ELFN1: variants seen among roughly 807,000 people sequenced by gnomAD.
ELFN1 encodes the protein extracellular leucine rich repeat and fibronectin type III domain containing 1, also known as protein ELFN1.
ELFN1 carries 6 observed loss-of-function variants against 7.6 expected under a neutral mutation model. That is an observed-to-expected ratio of 0.79 (90% CI 0.43 to 1.56). The LOEUF is 1.56. Among genes scored for constraint, ELFN1 ranks in the 40% most tolerant of loss-of-function variants. The probability of loss-of-function intolerance (pLI) is 0.01; values close to 1 mark genes in which losing one functional copy is unlikely to be tolerated. For missense variants in ELFN1, 1,169 were observed against 1,232.2 expected, an observed-to-expected ratio of 0.95 and a Z score of 0.77; for synonymous variants, 657 against 588.1, an observed-to-expected ratio of 1.12 and a Z score of -1.70.
intron 2 of ELFN1, among the ~76,000 whole-genome samples, chr7:1,689,764 T>G (rs1165177079): frequency 2.6e-5 from 4 of 152,190 alleles, no homozygotes; most frequent in African/African-American, 9.7e-5. Flanking sequence ...AGTGCTACAC[T>G]GAGATGAGTG....
At chr7:1,693,220 T>G (rs1433544806) in intron 2 of ELFN1, 3 of 404,006 alleles carry the variant, frequency 7.4e-6, no homozygotes, top group Non-Finnish European at 1.6e-5. Flanking sequence ...GAGATGTTCA[T>G]GGCCGCGTGG....
At position 1,715,583 on chromosome 7, in the gene ELFN1, A is replaced by G. The variant is rs1490161692; in HGVS notation, c.-294+6331A>G. On this transcript the variant is annotated intron_variant, in intron 3 of 3. Coordinates refer to ENST00000424383, the MANE Select transcript of ELFN1 (RefSeq NM_001128636.4). ...AGAAAGCCCCTTCCCCGCTGCAATC[A>G]GCCTCCTCCTGCAGGCAGGCCAGGC... Among the ~76,000 whole-genome samples the G allele has an allele frequency of 2.0e-5, 3 of 152,188 alleles. No individual in the cohort carries two copies. In the East Asian group the frequency reaches 5.8e-4, roughly 29 times the overall value.
At chr7:1,683,195 T>G (rs986143165) in intron 1 of ELFN1, among the ~76,000 whole-genome samples, 1 of 152,142 alleles carries the variant, frequency 6.6e-6, no homozygotes, top group Admixed American at 6.5e-5. Context: ...TTGAATGAGT[T>G]TGTGAAGTTT....
intron 1 of ELFN1, among the ~76,000 whole-genome samples, chr7:1,687,279 T>C (rs1273311515): frequency 6.6e-6 from 1 of 152,152 alleles, no homozygotes; most frequent in East Asian, 1.9e-4. Flanking sequence ...AGTAGCTTTA[T>C]AGTTGTTTTT....
chr7:1,714,292 C>T (rs1436491006), intron 3 of ELFN1, among the ~76,000 whole-genome samples: 1 of 152,082 alleles, frequency 6.6e-6, no homozygotes, highest in Non-Finnish European at 1.5e-5. Context: ...CAGGCTTAAC[C>T]ACCCCAGCCC....
At chr7:1,693,847 G>A (rs747840602) in intron 2 of ELFN1, 3 of 458,650 alleles carry the variant, frequency 6.5e-6, no homozygotes, top group Non-Finnish European at 1.4e-5. Flanking sequence ...CGGGGTTCCT[G>A]GGCAGAGGCT....
intron 2 of ELFN1, among the ~76,000 whole-genome samples, chr7:1,703,907 G>A (rs572520028): frequency 4.3e-4 from 66 of 152,322 alleles, no homozygotes; most frequent in African/African-American, 1.6e-3. Context: ...GGCTGTCGCC[G>A]GACTGTGTGC....
intron 3 of ELFN1, among the ~76,000 whole-genome samples, chr7:1,710,138 G>C (rs1437258085): frequency 6.6e-6 from 1 of 152,220 alleles, no homozygotes; most frequent in Non-Finnish European, 1.5e-5. Context: ...TCAATAAATA[G>C]CTTGTCTTCC....
chr7:1,744,671 C>T lies in ELFN1; in HGVS notation c.75C>T (p.Ala25=). The T allele has an allele frequency of 1.9e-6, 3 of 1,551,104 alleles. No individual in the cohort carries two copies. Among genetic ancestry groups the T allele is most frequent in the East Asian group, 2.4e-5 (1 of 40,892 alleles). ...CCCTGCTGCACGCTGGCGGCCTGGC[C>T]CGCGCAGACTGCTGGCTGATCGAGG... ...AATLLHAGGL[A]RADCWLIEGD... The change falls in exon 4 of 4, where the codon GCC becomes GCT. Residue 25 remains alanine, a synonymous_variant. Transcript: ENST00000424383.
Position 1,693,323 on chromosome 7 carries a change from C to G in ELFN1, c.-456+5173C>G, listed in dbSNP as rs927733520. On this transcript the variant is annotated intron_variant, in intron 2 of 3. Transcript: ENST00000424383. ...CATCGGGGCAGCCTCAGAAAGTGCCCGATTCCAAGAGTCTGGGCAGGCGTG... is the reference window on the plus strand; with the variant it reads ...CATCGGGGCAGCCTCAGAAAGTGCCGGATTCCAAGAGTCTGGGCAGGCGTG... The G allele has an allele frequency of 8.7e-6, 4 of 459,588 alleles. No individual in the cohort carries two copies. In the Admixed American group the frequency reaches 9.4e-5, roughly 11 times the overall value. 28.5% of individuals were successfully genotyped at this position (459,588 alleles called of 1,614,324 possible).
rs1024270909 is a variant in ELFN1 at position 1,695,998 on chromosome 7, G to C, written c.-456+7848G>C. Among the ~76,000 whole-genome samples, 1 of 152,098 alleles carries C rather than the reference G, an allele frequency of 6.6e-6. No individual in the cohort carries two copies. Among genetic ancestry groups the C allele is most frequent in the Non-Finnish European group, 1.5e-5 (1 of 68,020 alleles). ...ACTCCTGCCTGCCTTTGTCGGCCCC[G>C]GCTCTCATAACAAAAGCGGGACACT... On this transcript the variant is annotated intron_variant, in intron 2 of 3. Coordinates refer to ENST00000424383, the MANE Select transcript of ELFN1 (RefSeq NM_001128636.4). This position sits in a 1 kb window ranked among gnomAD's most constrained non-coding sequence, Gnocchi z 5.1.
intron 3 of ELFN1, among the ~76,000 whole-genome samples, chr7:1,712,226 C>G (rs892154552): frequency 6.6e-6 from 1 of 152,182 alleles, no homozygotes; most frequent in Admixed American, 6.5e-5. Flanking sequence ...CTCTGTCGCC[C>G]AGGCTGGAGT....
upstream of ELFN1, among the ~76,000 whole-genome samples, chr7:1,669,379 C>T (rs910183908): frequency 1.3e-5 from 2 of 152,006 alleles, no homozygotes; most frequent in Admixed American, 6.5e-5. Flanking sequence ...GCGGGCTGCG[C>T]GGGGACTGGA....
rs1780834437 is a variant in ELFN1, at chr7:1,747,321, C to G, written c.*238C>G. 3 of 292,788 alleles carry G rather than the reference C, an allele frequency of 1.0e-5. No homozygotes were observed. 18.1% of individuals were successfully genotyped at this position (292,788 alleles called of 1,614,324 possible). A position where few individuals can be genotyped will look rare whatever the true frequency, so the allele number is the denominator to read the frequency against. On this transcript the variant is annotated 3_prime_UTR_variant, in exon 4 of 4. Transcript: ENST00000424383. ...ACGTGTCCACACACACACACACACACACACACACACACACGAGGGACTTCG... is the reference window on the plus strand; with the variant it reads ...ACGTGTCCACACACACACACACACAGACACACACACACACGAGGGACTTCG...
rs1452044929 is a variant in ELFN1, at chr7:1,746,182, G to A, written c.1586G>A (p.Arg529Gln). The part of the protein sequence containing the change: ...KASKGSYMEV[R>Q]TGDPPERRDC... ...AGCAAGGGCAGCTACATGGAGGTTC[G>A]AACCGGGGACCCTCCGGAACGCAGG... The change falls in exon 4 of 4, where the codon CGA (arginine) becomes CAA (glutamine). Residue 529 changes from arginine to glutamine, a missense_variant. Physicochemically the swap from Arg to Gln is conservative, Grantham distance 43 (BLOSUM62 1). Transcript: ENST00000424383. The A allele has an allele frequency of 7.7e-6, 12 of 1,550,066 alleles. No individual in the cohort carries two copies. Among genetic ancestry groups the A allele is most frequent in the East Asian group, 2.4e-5 (1 of 40,900 alleles).
chr7:1,701,571 AG>A (rs1779429138), intron 2 of ELFN1, among the ~76,000 whole-genome samples: 1 of 151,994 alleles, frequency 6.6e-6, no homozygotes, highest in Non-Finnish European at 1.5e-5. Flanking sequence ...GCACTTTGGG[AG>A]GCTGAGGTGG....
At chr7:1,729,314 C>T (rs1001852721) in intron 3 of ELFN1, among the ~76,000 whole-genome samples, 2 of 152,212 alleles carry the variant, frequency 1.3e-5, no homozygotes, top group Non-Finnish European at 2.9e-5. Context: ...TCCTGCACCC[C>T]GGGGCTCAGG....
intron 1 of ELFN1, among the ~76,000 whole-genome samples, chr7:1,674,843 C>G (rs897684090): frequency 6.6e-6 from 1 of 152,102 alleles, no homozygotes; most frequent in African/African-American, 2.4e-5. Context: ...CACAGCCGGG[C>G]GGGAAACATC....
chr7:1,733,691 G>A (rs1780371877), intron 3 of ELFN1, among the ~76,000 whole-genome samples: 1 of 152,108 alleles, frequency 6.6e-6, no homozygotes, highest in Admixed American at 6.5e-5. Flanking sequence ...TTTAACATTT[G>A]AGGGCTAATT....
Sources: allele counts gnomAD v4.1 joint callset (sites outside exome capture counted in the v4.1 genomes callset), GRCh38; gene constraint gnomAD v4.1.1; non-coding constraint Gnocchi (gnomAD v3.1); transcripts MANE v1.5; gene names NCBI Gene and HGNC (gene_info 2026-07-23, HGNC 2026-07-21).